Variants in ORM1 observed in about 807,000 individuals in gnomAD.
ORM1 encodes orosomucoid 1, also known as alpha-1-acid glycoprotein 1.
In ORM1, 13 loss-of-function variants were observed where a neutral mutation model predicts 26.9. That is an observed-to-expected ratio of 0.48 (90% confidence interval 0.31 to 0.77). The LOEUF (loss-of-function observed/expected upper bound fraction) is 0.77, where lower values mean the gene tolerates loss of function less well. Among genes scored for constraint, ORM1 ranks in the 30% least tolerant of loss-of-function variants. The pLI, the probability that ORM1 is intolerant of heterozygous loss-of-function variation, is 0.04. For synonymous variants in ORM1, 76 were observed against 102.2 expected, an observed-to-expected ratio of 0.74 and a Z score of 1.55; for missense variants, 189 against 246.8, an observed-to-expected ratio of 0.77 and a Z score of 1.57.
intron 5 of ORM1, among the ~76,000 whole-genome samples, chr9:114,325,900 A>G (rs1006967693): frequency 6.6e-6 from 1 of 152,180 alleles, no homozygotes; most frequent in African/African-American, 2.4e-5. Flanking sequence ...AGCTCACCTG[A>G]TCCACAGCCT....
chr9:114,324,772 G>C lies in ORM1; in HGVS notation c.329-18G>C. ...TGCCATCCCATGTTCTCACCCAGAG[G>C]CTCCTTTTCTCTTCCAGTGGGAGGC... On this transcript the variant is annotated intron_variant, in intron 3 of 5. Coordinates refer to ENST00000259396, the MANE Select transcript of ORM1 (RefSeq NM_000607.4). 2 of 1,597,910 alleles carry C rather than the reference G, an allele frequency of 1.3e-6. No individual in the cohort carries two copies. Among genetic ancestry groups the C allele is most frequent in the Non-Finnish European group, 8.6e-7 (1 of 1,165,622 alleles).
chr9:114,324,716 G>A lies in ORM1; in HGVS notation c.329-74G>A, dbSNP rs1829740468. 4 of 1,233,294 alleles carry A rather than the reference G, an allele frequency of 3.2e-6. No individual in the cohort carries two copies. In the Admixed American group the frequency reaches 7.4e-5, roughly 23 times the overall value. 76.4% of individuals were successfully genotyped at this position (1,233,294 alleles called of 1,614,324 possible). On this transcript the variant is annotated intron_variant, in intron 3 of 5. Coordinates refer to ENST00000259396, the MANE Select transcript of ORM1 (RefSeq NM_000607.4). ...GGCTGTGTGGCCACTGACACACCTA[G>A]GCCTCCTCACCTGTAAGACAGACAC...
chr9:114,323,459 G>T, intron 1 of ORM1: 1 of 862,334 alleles, frequency 1.2e-6, no homozygotes. Context: ...GTCCTTCACG[G>T]AGGACGGTTC....
In ORM1 at chr9:114,326,154, A is replaced by G. The variant is rs1829765534; in HGVS notation, c.541-138A>G. 3 of 716,284 alleles carry G rather than the reference A, an allele frequency of 4.2e-6. No individual in the cohort carries two copies. In the South Asian group the frequency reaches 5.7e-5, roughly 14 times the overall value. The allele number at this position is 716,284 out of a possible 1,614,324, so 44.4% of individuals were successfully genotyped here. A position where few individuals can be genotyped will look rare whatever the true frequency, so the allele number is the denominator to read the frequency against. On this transcript the variant is annotated intron_variant, in intron 5 of 5. Transcript: ENST00000259396. Reference sequence around the variant, plus strand: ...CTTGCCCAAGATCACCCAGCTGGGAAGTGACAGTGCCAGGGTTGGAGCCCT... The same window carrying G: ...CTTGCCCAAGATCACCCAGCTGGGAGGTGACAGTGCCAGGGTTGGAGCCCT...
In ORM1 at chr9:114,323,538, C is replaced by T. The variant is rs751711906; in HGVS notation, c.115-125C>T. On this transcript the variant is annotated intron_variant, in intron 1 of 5. Transcript: ENST00000259396. ...CTCAGGGTGAGCTCCTGCATGCGCA[C>T]TGCCCACCAGGGGCCTCATCTCCCC... 1.4e-5 allele frequency: 19 copies of T among 1,354,462 alleles called. No homozygotes were observed. The African/African-American group carries it at 1.5e-4, about 11-fold the overall frequency. 83.9% of individuals were successfully genotyped at this position (1,354,462 alleles called of 1,614,324 possible). A position where few individuals can be genotyped will look rare whatever the true frequency, so the allele number is the denominator to read the frequency against.
At chr9:114,323,938 C>G (rs892289054) in intron 2 of ORM1, 80 bp from the exon 3 acceptor site, 5 of 1,599,042 alleles carry the variant, frequency 3.1e-6, no homozygotes, top group Non-Finnish European at 4.3e-6. Flanking sequence ...CCACCAGACT[C>G]TTGCCCCAGG....
intron 1 of ORM1, 38 bp downstream of exon 1, chr9:114,323,285 C>T: frequency 6.2e-7 from 1 of 1,612,880 alleles, no homozygotes; most frequent in Non-Finnish European, 8.5e-7. Context: ...AGCACATGGG[C>T]AGCTGCCTCC....
In ORM1 at chr9:114,324,882, G is replaced by T. The variant is rs1829744677; in HGVS notation, c.421G>T (p.Gly141Trp). The part of the protein sequence containing the change: ...AFDVNDEKNW[G>W]LSVYADKPET... ...TGACGTGAACGATGAGAAGAACTGG[G>T]GGCTGTCTGTCTATGGTAGGCATGC... Residue 141 changes from glycine (G) to tryptophan (W), a missense_variant, in exon 4 of 6, where the codon GGG (glycine) becomes TGG (tryptophan). Gly to Trp is a radical substitution (Grantham distance 184). This residue lies in a region of ORM1 where 163 missense variants were observed against 157.7 expected (regional missense o/e 1.03). Transcript: ENST00000259396. 2 of 1,613,922 alleles carry T rather than the reference G, an allele frequency of 1.2e-6. No homozygotes were observed. The highest frequency in any genetic ancestry group is 3.3e-5 in the Admixed American group (2 of 59,982).
rs756650401 is a variant in ORM1 at position 114,324,114 on chromosome 9, G to A, written c.328+26G>A. ...GTGAGGGCCAGCCCTCAGGCAGGAGGGTTCACTGTGGGAACAGGGCAGGCC... is the reference window on the plus strand; with the variant it reads ...GTGAGGGCCAGCCCTCAGGCAGGAGAGTTCACTGTGGGAACAGGGCAGGCC... On this transcript the variant is annotated intron_variant, in intron 3 of 5. Transcript: ENST00000259396. 3.1e-6 allele frequency: 5 copies of A among 1,606,446 alleles called. No homozygotes were observed. In the Admixed American group the frequency reaches 5.0e-5, roughly 16 times the overall value.
chr9:114,323,401 G>A (rs1207629067), intron 1 of ORM1, 154 bp downstream of exon 1: 3 of 1,047,614 alleles, frequency 2.9e-6, no homozygotes, highest in Non-Finnish European at 2.9e-6. Flanking sequence ...CAGCCCAGGG[G>A]ACTCTGGAGG....
intron 3 of ORM1, 31 bp downstream of exon 3, chr9:114,324,119 A>G (rs778227490): frequency 1.2e-6 from 2 of 1,600,702 alleles, no homozygotes; most frequent in African/African-American, 1.3e-5. Flanking sequence ...AGGAGGGTTC[A>G]CTGTGGGAAC....
rs1160992190 is a variant in ORM1 at position 114,324,236 on chromosome 9, A to G, written c.328+148A>G. On this transcript the variant is annotated intron_variant, in intron 3 of 5. Transcript: ENST00000259396. Reference sequence around the variant, plus strand: ...AGCTCTAACGATGTGCTCAGAAACAACTCTAAGAGGACACTGAGAGAATTA... The same window carrying G: ...AGCTCTAACGATGTGCTCAGAAACAGCTCTAAGAGGACACTGAGAGAATTA... 6 of 795,284 alleles carry G rather than the reference A, an allele frequency of 7.5e-6. No individual in the cohort carries two copies. In the East Asian group the frequency reaches 1.6e-4, roughly 21 times the overall value. The allele number at this position is 795,284 out of a possible 1,614,324, so 49.3% of individuals were successfully genotyped here. A position where few individuals can be genotyped will look rare whatever the true frequency, so the allele number is the denominator to read the frequency against.
chr9:114,323,993 C>A (rs752195244), intron 2 of ORM1, 25 bp from the exon 3 acceptor site: 1 of 1,612,924 alleles, frequency 6.2e-7, no homozygotes, highest in South Asian at 1.1e-5. Flanking sequence ...TTCCTGTTTT[C>A]CTTCCGCCTT....
chr9:114,323,559 T>G, intron 1 of ORM1, 104 bp from the exon 2 acceptor site: 4 of 1,524,182 alleles, frequency 2.6e-6, no homozygotes, highest in Non-Finnish European at 2.7e-6. Flanking sequence ...GGGCCTCATC[T>G]CCCCATCTGC....
intron 1 of ORM1, 132 bp downstream of exon 1, chr9:114,323,379 T>C (rs1588921920): frequency 3.9e-6 from 6 of 1,545,402 alleles, no homozygotes; most frequent in Non-Finnish European, 5.3e-6. Flanking sequence ...GTCCCCAGGG[T>C]GAAATTCTCA....
chr9:114,324,949 C>A (rs766621282), intron 4 of ORM1, 52 bp downstream of exon 4: 3 of 1,591,026 alleles, frequency 1.9e-6, no homozygotes, highest in South Asian at 2.2e-5. Context: ...CCTCACCCCC[C>A]ATTCACCCAC....
chr9:114,323,894 C>T (rs1829724898), intron 2 of ORM1, 89 bp downstream of exon 2: 9 of 1,605,296 alleles, frequency 5.6e-6, no homozygotes, highest in Non-Finnish European at 7.7e-6. Flanking sequence ...CTTGGCCTTC[C>T]CATGGGTGGA....
In ORM1 at chr9:114,325,112, G is replaced by A. The variant is rs139631990; in HGVS notation, c.500G>A (p.Arg167His). The change falls in exon 5 of 6, where the codon CGC becomes CAC. Residue 167 changes from arginine to histidine, a missense_variant. Transcript: ENST00000259396. ...GEFYEALDCL[R>H]IPKSDVVYTD... is the part of the protein sequence containing the mutation. ...TTCTACGAAGCTCTCGACTGCTTGC[G>A]CATTCCCAAGTCAGATGTCGTGTAC... 44 of 1,613,876 alleles carry A rather than the reference G, an allele frequency of 2.7e-5. No homozygotes were observed. The highest frequency in any genetic ancestry group is 3.4e-5 in the Non-Finnish European group (40 of 1,179,870).
chr9:114,324,887 G>A lies in ORM1; in HGVS notation c.426G>A (p.Leu142=), dbSNP rs1829745021. The part of the protein sequence containing the change: ...FDVNDEKNWG[L]SVYADKPETT... Reference sequence around the variant, plus strand: ...TGAACGATGAGAAGAACTGGGGGCTGTCTGTCTATGGTAGGCATGCTTAGC... The same window carrying A: ...TGAACGATGAGAAGAACTGGGGGCTATCTGTCTATGGTAGGCATGCTTAGC... The change falls in exon 4 of 6, where the codon CTG becomes CTA. Residue 142 remains leucine (L), a synonymous_variant. Transcript: ENST00000259396. The A allele has an allele frequency of 7.4e-6, 12 of 1,613,984 alleles. No homozygotes were observed. Among genetic ancestry groups the A allele is most frequent in the Non-Finnish European group, 1.0e-5 (12 of 1,179,842 alleles).
Sources: allele counts gnomAD v4.1 joint callset (sites outside exome capture counted in the v4.1 genomes callset), GRCh38; gene constraint gnomAD v4.1.1; regional missense constraint gnomAD v4.1.1; transcripts MANE v1.5; gene names NCBI Gene and HGNC (gene_info 2026-07-23, HGNC 2026-07-21).